Variants in MGAT4C observed in about 807,000 individuals in gnomAD.
The protein encoded by MGAT4C is MGAT4 family member C.
MGAT4C carries 19 observed loss-of-function variants against 40.1 expected under a neutral mutation model. That is an observed-to-expected ratio of 0.47 (90% confidence interval 0.33 to 0.70). The LOEUF is 0.70. Among genes scored for constraint, MGAT4C ranks in the 30% least tolerant of loss-of-function variants. The probability of loss-of-function intolerance (pLI) is 0.02; values close to 1 mark genes in which losing one functional copy is unlikely to be tolerated. For missense variants in MGAT4C, 491 were observed against 563.2 expected, an observed-to-expected ratio of 0.87 and a Z score of 1.30; for synonymous variants, 181 against 187.1, an observed-to-expected ratio of 0.97 and a Z score of 0.27.
At chr12:86,485,318 A>G (rs1280082765) in intron 2 of MGAT4C, among the ~76,000 whole-genome samples, 1 of 152,150 alleles carries the variant, frequency 6.6e-6, no homozygotes, top group African/African-American at 2.4e-5. Context: ...TTGAAACCCA[A>G]TCCAAGAAAT....
chr12:86,367,659 C>T (rs985727255), intron 3 of MGAT4C, among the ~76,000 whole-genome samples: 17 of 152,018 alleles, frequency 1.1e-4, no homozygotes, highest in Non-Finnish European at 2.4e-4. Flanking sequence ...ATTAGCTGGG[C>T]GTGGTGGCAG....
chr12:86,680,087 T>A (rs559185138), intron 2 of MGAT4C, among the ~76,000 whole-genome samples: 44 of 152,106 alleles, frequency 2.9e-4, no homozygotes, highest in Non-Finnish European at 5.3e-4. Flanking sequence ...TTTTGCCTCC[T>A]AAAACATAGT....
At chr12:86,535,899 C>T (rs1959060141) in intron 2 of MGAT4C, among the ~76,000 whole-genome samples, 1 of 152,036 alleles carries the variant, frequency 6.6e-6, no homozygotes. Flanking sequence ...ACAAAACATA[C>T]ATAAAATTAT....
chr12:86,388,315 T>A (rs1350748696), intron 3 of MGAT4C, among the ~76,000 whole-genome samples: 2 of 152,170 alleles, frequency 1.3e-5, no homozygotes, highest in Non-Finnish European at 2.9e-5. Flanking sequence ...AATTTTTAAC[T>A]TTATCAGTCT....
chr12:86,320,212 AT>A (rs1007394312), intron 4 of MGAT4C, among the ~76,000 whole-genome samples: 3 of 152,116 alleles, frequency 2.0e-5, no homozygotes, highest in Non-Finnish European at 4.4e-5. Flanking sequence ...TGAGAAAAAA[AT>A]ATTGATATCT....
intron 1 of MGAT4C, among the ~76,000 whole-genome samples, chr12:86,070,310 C>G (rs576439398): frequency 1.2e-4 from 18 of 152,142 alleles, no homozygotes; most frequent in Admixed American, 9.2e-4. Flanking sequence ...ATATGATTTA[C>G]TTACTTATTT....
intron 2 of MGAT4C, among the ~76,000 whole-genome samples, chr12:86,716,049 C>A (rs1455408665): frequency 1.3e-5 from 2 of 152,012 alleles, no homozygotes; most frequent in Non-Finnish European, 2.9e-5. Context: ...TTGTTTCAGG[C>A]AGATAACTAT....
rs541070162 is a variant in MGAT4C at position 86,191,887 on chromosome 12, A to G, written c.-57+64352T>C. On this transcript the variant is annotated intron_variant, in intron 1 of 4. Coordinates refer to ENST00000611864, the MANE Select transcript of MGAT4C (RefSeq NM_001351288.2). The stretch of plus-strand genomic sequence containing the variant: ...AGATTGGATTAAGAAAATATGGCAC[A>G]TATACACCATCCAATACTATGCAGC... Among the ~76,000 whole-genome samples the G allele has an allele frequency of 2.0e-5, 3 of 149,952 alleles. No individual in the cohort carries two copies. The East Asian group carries it at 6.3e-4, about 32-fold the overall frequency.
intron 2 of MGAT4C, among the ~76,000 whole-genome samples, chr12:86,517,164 T>C (rs1958705815): frequency 6.6e-6 from 1 of 152,312 alleles, no homozygotes; most frequent in East Asian, 1.9e-4. Flanking sequence ...AGTTACCATA[T>C]AATGTTTTTG....
intron 2 of MGAT4C, among the ~76,000 whole-genome samples, chr12:86,523,126 G>C (rs963875175): frequency 3.3e-5 from 5 of 151,754 alleles, no homozygotes; most frequent in Non-Finnish European, 7.4e-5. Flanking sequence ...GGTATTTATT[G>C]TCTTCTAGTT....
At chr12:86,586,125 A>G (rs1279273820) in intron 2 of MGAT4C, among the ~76,000 whole-genome samples, 4 of 114,592 alleles carry the variant, frequency 3.5e-5, no homozygotes, top group African/African-American at 1.4e-4. Context: ...AACAGTCCCC[A>G]GAGTGTGATG....
rs1889390859 is a variant in MGAT4C, at chr12:86,191,128, C to T, written c.-57+65111G>A. Among the ~76,000 whole-genome samples the T allele has an allele frequency of 2.2e-5, 3 of 137,404 alleles. No individual in the cohort carries two copies. In the Admixed American group the frequency reaches 2.2e-4, roughly 10 times the overall value. 90.1% of individuals were successfully genotyped at this position (137,404 alleles called of 152,430 possible). ...ACACACACACACACACACACACACA[C>T]ACACACCCCTATAGGGTCTGTTTCT... On this transcript the variant is annotated intron_variant, in intron 1 of 4. Coordinates refer to ENST00000611864, the MANE Select transcript of MGAT4C (RefSeq NM_001351288.2).
intron 1 of MGAT4C, among the ~76,000 whole-genome samples, chr12:86,052,170 C>T (rs1431893620): frequency 6.6e-6 from 1 of 150,866 alleles, no homozygotes; most frequent in Non-Finnish European, 1.5e-5. Flanking sequence ...TAAATGTAAA[C>T]TTTGTTTCTG....
chr12:86,837,146 T>C (rs980127117), intron 1 of MGAT4C, among the ~76,000 whole-genome samples: 1 of 152,110 alleles, frequency 6.6e-6, no homozygotes, highest in Admixed American at 6.6e-5. Flanking sequence ...TTTTTAATGC[T>C]TTAAAGTGAG....
chr12:86,482,156 T>C (rs4842512), intron 2 of MGAT4C, among the ~76,000 whole-genome samples: 137,077 of 151,762 alleles, frequency 0.9, 62,048 homozygotes, highest in East Asian at 1. Context: ...TGTATTTTCA[T>C]ACCAAAGTAT....
chr12:86,058,115 T>C (rs1447637762), intron 1 of MGAT4C, among the ~76,000 whole-genome samples: 2 of 152,142 alleles, frequency 1.3e-5, no homozygotes, highest in African/African-American at 2.4e-5. Context: ...TTTTTGTATC[T>C]ACATATTTCA....
In MGAT4C at chr12:85,974,745, T is replaced by A. The variant is rs139121956; in HGVS notation, c.*4544A>T. Reference sequence around the variant, plus strand: ...ATTGAATTTTGTTATGGCCTTTTTCTTCCTAAAAAGAATAACCCCAATCTG... The same window carrying A: ...ATTGAATTTTGTTATGGCCTTTTTCATCCTAAAAAGAATAACCCCAATCTG... On this transcript the variant is annotated 3_prime_UTR_variant, in exon 5 of 5. Coordinates refer to ENST00000611864, the MANE Select transcript of MGAT4C (RefSeq NM_001351288.2). 1.7e-4 allele frequency: 25 copies of A among 150,812 alleles called. No individual in the cohort carries two copies. In the East Asian group the frequency reaches 4.8e-3, roughly 29 times the overall value. 9.3% of individuals were successfully genotyped at this position (150,812 alleles called of 1,614,324 possible).
intron 2 of MGAT4C, among the ~76,000 whole-genome samples, chr12:86,012,778 A>AACAACCACCACCACCACC (rs1308194133): frequency 2.2e-5 from 3 of 136,452 alleles, no homozygotes; most frequent in East Asian, 2.5e-4. Context: ...CAACAACAAC[A>AACAACCACCACCACCACC]ACCACCACCA....
At chr12:86,044,118 C>A (rs1892156849) in intron 2 of MGAT4C, among the ~76,000 whole-genome samples, 1 of 152,132 alleles carries the variant, frequency 6.6e-6, no homozygotes, top group South Asian at 2.1e-4. Flanking sequence ...GACTGGATTT[C>A]TTTCTGGAAG....
Sources: allele counts gnomAD v4.1 joint callset (sites outside exome capture counted in the v4.1 genomes callset), GRCh38; gene constraint gnomAD v4.1.1; transcripts MANE v1.5; gene names NCBI Gene and HGNC (gene_info 2026-07-23, HGNC 2026-07-21).